SMYD3: variants seen among roughly 807,000 people sequenced by gnomAD.
The protein encoded by SMYD3 is histone-lysine N-methyltransferase SMYD3.
In SMYD3, 36 loss-of-function variants were observed where a neutral mutation model predicts 57.7. The observed-to-expected ratio is 0.62, with a 90% CI of 0.48 to 0.82. The LOEUF (loss-of-function observed/expected upper bound fraction) is 0.82, where lower values mean the gene tolerates loss of function less well. Among genes scored for constraint, SMYD3 ranks in the 40% least tolerant of loss-of-function variants. The probability of loss-of-function intolerance (pLI) is 0.00; values close to 1 mark genes in which losing one functional copy is unlikely to be tolerated. For missense variants in SMYD3, 515 were observed against 538.8 expected (o/e 0.96, Z 0.44); for synonymous variants, 211 against 195.0 (o/e 1.08, Z -0.68).
intron 5 of SMYD3, among the ~76,000 whole-genome samples, chr1:245,983,177 T>C (rs978278117): frequency 6.6e-6 from 1 of 152,220 alleles, no homozygotes; most frequent in African/African-American, 2.4e-5. Context: ...TTGTGGCAGC[T>C]TTCGGGACAT....
chr1:245,838,233 A>T (rs186323988), intron 10 of SMYD3, among the ~76,000 whole-genome samples: 4 of 152,300 alleles, frequency 2.6e-5, no homozygotes, highest in Admixed American at 2.6e-4. Context: ...CGCTTGGTTC[A>T]TATTGGACAG....
chr1:246,429,692 C>G (rs1208179180), intron 1 of SMYD3, among the ~76,000 whole-genome samples: 3 of 152,238 alleles, frequency 2.0e-5, no homozygotes, highest in Non-Finnish European at 1.5e-5. Flanking sequence ...AATCAAACAC[C>G]ATGTCAGACA....
intron 5 of SMYD3, among the ~76,000 whole-genome samples, chr1:245,972,926 G>C (rs1487040859): frequency 6.6e-6 from 1 of 152,168 alleles, no homozygotes. Flanking sequence ...TTTGTTACGA[G>C]AACCTGGCCT....
chr1:245,906,969 T>TA (rs963868761), intron 8 of SMYD3, among the ~76,000 whole-genome samples: 26 of 152,208 alleles, frequency 1.7e-4, no homozygotes, highest in African/African-American at 5.8e-4. Context: ...TATTTATTAC[T>TA]AAAAAATCAC....
At chr1:246,082,673 G>A (rs982132608) in intron 5 of SMYD3, among the ~76,000 whole-genome samples, 12 of 152,118 alleles carry the variant, frequency 7.9e-5, no homozygotes, top group Admixed American at 1.3e-4. Flanking sequence ...TGGGCTTGGC[G>A]AAATGGTTTT....
intron 10 of SMYD3, among the ~76,000 whole-genome samples, chr1:245,810,132 G>A (rs888904611): frequency 6.6e-6 from 1 of 152,186 alleles, no homozygotes; most frequent in Admixed American, 6.5e-5. Flanking sequence ...TCTTTCCGCA[G>A]TACTCTGGGA....
intron 5 of SMYD3, among the ~76,000 whole-genome samples, chr1:246,185,338 G>A (rs1248552338): frequency 6.6e-6 from 1 of 151,788 alleles, no homozygotes. Flanking sequence ...CCGGGTTCAA[G>A]CGATTCTCCT....
intron 5 of SMYD3, among the ~76,000 whole-genome samples, chr1:246,061,661 G>A (rs549493418): frequency 1.6e-4 from 25 of 152,276 alleles, no homozygotes; most frequent in African/African-American, 6.0e-4. Context: ...GCGAGGCTGA[G>A]GCTGCTGTGA....
Position 246,477,552 on chromosome 1 carries a change from C to T in SMYD3, c.164+29502G>A, listed in dbSNP as rs190409776. On this transcript the variant is annotated intron_variant, in intron 1 of 11. Transcript: ENST00000490107. ...CATTCACCTTTAGTGACTGTGTGAC[C>T]TACGGGCAGATTTATCTAAACTTAC... Among the ~76,000 whole-genome samples the T allele has an allele frequency of 3.3e-5, 5 of 152,276 alleles. No individual in the cohort carries two copies. The East Asian group carries it at 9.6e-4, about 29-fold the overall frequency.
At chr1:245,825,978 T>C (rs1251905391) in intron 10 of SMYD3, among the ~76,000 whole-genome samples, 1 of 144,966 alleles carries the variant, frequency 6.9e-6, no homozygotes, top group Admixed American at 7.1e-5. Context: ...GCCTTAATCA[T>C]CTATCTCTGC....
intron 1 of SMYD3, among the ~76,000 whole-genome samples, chr1:246,477,926 A>G (rs1357507527): frequency 1.4e-4 from 22 of 152,240 alleles, no homozygotes; most frequent in Non-Finnish European, 5.9e-5. Flanking sequence ...AAGACAACCA[A>G]CTATTAAATA....
intron 5 of SMYD3, among the ~76,000 whole-genome samples, chr1:245,981,854 TTC>T (rs1221824246): frequency 1.3e-5 from 2 of 152,240 alleles, no homozygotes; most frequent in East Asian, 3.8e-4. Context: ...TCCATACTAT[TTC>T]TCTTTTTCTA....
chr1:245,878,801 A>G (rs1348997846), intron 8 of SMYD3, among the ~76,000 whole-genome samples: 2 of 152,208 alleles, frequency 1.3e-5, no homozygotes, highest in African/African-American at 4.8e-5. Context: ...TGTTGATGTC[A>G]TCAGCAGTTG....
At chr1:246,162,047 C>T (rs921714790) in intron 5 of SMYD3, among the ~76,000 whole-genome samples, 3 of 152,248 alleles carry the variant, frequency 2.0e-5, no homozygotes, top group East Asian at 1.9e-4. Flanking sequence ...GAGGTCAAAG[C>T]GTGTGGACGT....
intron 5 of SMYD3, among the ~76,000 whole-genome samples, chr1:246,098,247 T>G (rs1336622994): frequency 2.0e-5 from 3 of 152,218 alleles, no homozygotes; most frequent in Non-Finnish European, 4.4e-5. Flanking sequence ...TTCACATTAA[T>G]CTGCCTCTTG....
At chr1:245,979,537 G>A (rs1448612367) in intron 5 of SMYD3, among the ~76,000 whole-genome samples, 1 of 152,142 alleles carries the variant, frequency 6.6e-6, no homozygotes, top group Admixed American at 6.5e-5. Context: ...AGACTGGGGT[G>A]ATGCAGGTAC....
chr1:245,858,267 G>A (rs945476753), intron 10 of SMYD3, among the ~76,000 whole-genome samples: 2 of 152,166 alleles, frequency 1.3e-5, no homozygotes, highest in African/African-American at 4.8e-5. Context: ...ATTAGTTTCT[G>A]TACACCCACG....
intron 11 of SMYD3, among the ~76,000 whole-genome samples, chr1:245,750,494 G>T (rs2045293936): frequency 6.6e-6 from 1 of 152,154 alleles, no homozygotes; most frequent in Non-Finnish European, 1.5e-5. Context: ...GCTGAAGACT[G>T]CCAGATCTGT....
intron 1 of SMYD3, among the ~76,000 whole-genome samples, chr1:246,481,621 T>TATACACACACAC (rs1307881494): frequency 3.0e-5 from 3 of 98,550 alleles, no homozygotes; most frequent in African/African-American, 1.1e-4. Context: ...CATACATATA[T>TATACACACACAC]ACATACATAC....
Sources: gnomAD v4.1 joint callset for allele counts (sites outside exome capture counted in the v4.1 genomes callset) on GRCh38, gnomAD v4.1.1 for gene constraint, MANE v1.5 for transcripts, NCBI Gene and HGNC (gene_info 2026-07-23, HGNC 2026-07-21) for gene names.